Variants in GBP7 observed in about 807,000 individuals in gnomAD.
GBP7 encodes guanylate binding protein 7, also known as guanylate-binding protein 7.
GBP7 carries 43 observed loss-of-function variants against 61.3 expected under a neutral mutation model. The observed-to-expected ratio is 0.70, with a 90% confidence interval of 0.55 to 0.91. The LOEUF is 0.91. Ranked by LOEUF, GBP7 falls within the 40% of genes least tolerant of loss-of-function variation. The pLI, the probability that GBP7 is intolerant of heterozygous loss-of-function variation, is 0.00. For missense variants in GBP7, 717 were observed against 740.5 expected (o/e 0.97, Z 0.37); for synonymous variants, 267 against 271.0 (o/e 0.99, Z 0.14).
At chr1:89,142,336 G>A (rs2100640760) in intron 8 of GBP7, among the ~76,000 whole-genome samples, 1 of 152,218 alleles carries the variant, frequency 6.6e-6, no homozygotes, top group South Asian at 2.1e-4. Context: ...CTTCAACCTT[G>A]AACTCCCGGG....
intron 2 of GBP7, among the ~76,000 whole-genome samples, chr1:89,167,716 A>G (rs1036934584): frequency 6.6e-6 from 1 of 152,220 alleles, no homozygotes; most frequent in Non-Finnish European, 1.5e-5. Context: ...CACACTTAAG[A>G]AAATGTCCAT....
At chr1:89,154,056 G>A (rs1682261179) in intron 3 of GBP7, among the ~76,000 whole-genome samples, 1 of 152,212 alleles carries the variant, frequency 6.6e-6, no homozygotes, top group African/African-American at 2.4e-5. Context: ...GGCAAGACAT[G>A]AAGGTCCCTT....
intron 6 of GBP7, among the ~76,000 whole-genome samples, chr1:89,149,848 G>T (rs1682153018): frequency 1.3e-5 from 2 of 150,604 alleles, no homozygotes; most frequent in African/African-American, 4.9e-5. Flanking sequence ...ATGTAGCAAG[G>T]GTTTCTTGAA....
chr1:89,165,310 G>C (rs1312230601), intron 2 of GBP7, among the ~76,000 whole-genome samples: 1 of 152,024 alleles, frequency 6.6e-6, no homozygotes, highest in Non-Finnish European at 1.5e-5. Flanking sequence ...GACCATCCTG[G>C]CCAACATGGT....
chr1:89,172,016 A>G (rs1290106946), intron 1 of GBP7, 62 bp from the exon 2 acceptor site: 3 of 1,108,558 alleles, frequency 2.7e-6, no homozygotes, highest in South Asian at 2.9e-5. Flanking sequence ...GAAATCTATA[A>G]TAGGGCATAA....
At chr1:89,163,838 T>G (rs1408453573) in intron 3 of GBP7, among the ~76,000 whole-genome samples, 1 of 151,626 alleles carries the variant, frequency 6.6e-6, no homozygotes, top group African/African-American at 2.4e-5. Context: ...TTTTCTTTTC[T>G]TTTTCTTTCT....
Position 89,133,324 on chromosome 1 carries a change from C to T in GBP7, c.1596G>A (p.Lys532=), listed in dbSNP as rs1681721350. The T allele has an allele frequency of 1.9e-6, 3 of 1,614,034 alleles. No individual in the cohort carries two copies. Among genetic ancestry groups the T allele is most frequent in the Non-Finnish European group, 2.5e-6 (3 of 1,179,984 alleles). ...AGTTTTCCCTTTCCCTCTCCATCTT[C>T]TTCTTGAGTTGAGCTATGTTTTCCT... ...SFQENIAQLK[K]KMERERENYM... is the part of the protein sequence containing the mutation. The change falls in exon 10 of 11, where the codon AAG becomes AAA. Residue 532 remains lysine (K), a synonymous_variant. Coordinates refer to ENST00000294671, the MANE Select transcript of GBP7 (RefSeq NM_207398.3).
intron 2 of GBP7, among the ~76,000 whole-genome samples, chr1:89,167,677 A>C (rs1350094617): frequency 6.6e-6 from 1 of 152,218 alleles, no homozygotes; most frequent in Admixed American, 6.5e-5. Context: ...CTGGCCATGG[A>C]TGGGCAAGGT....
chr1:89,147,973 C>CT (rs1263308670), intron 7 of GBP7, among the ~76,000 whole-genome samples, 194 bp from the exon 8 acceptor site: 39 of 152,290 alleles, frequency 2.6e-4, no homozygotes, highest in African/African-American at 9.1e-4. Flanking sequence ...TTCATGAACT[C>CT]TATCTTTCCT....
intron 5 of GBP7, 127 bp downstream of exon 5, chr1:89,152,141 A>G: frequency 1.4e-6 from 1 of 737,402 alleles, no homozygotes. Context: ...CTTATCAATC[A>G]CCAACCACCA....
At chr1:89,162,796 A>G (rs182350982) in intron 3 of GBP7, among the ~76,000 whole-genome samples, 1 of 152,210 alleles carries the variant, frequency 6.6e-6, no homozygotes, top group East Asian at 1.9e-4. Flanking sequence ...TTCCAATACT[A>G]TGTTGAACAG....
At chr1:89,138,454 G>A (rs1681861394) in intron 9 of GBP7, among the ~76,000 whole-genome samples, 2 of 151,866 alleles carry the variant, frequency 1.3e-5, no homozygotes, top group African/African-American at 4.8e-5. Flanking sequence ...CATGGTGCTG[G>A]TCAAAAAACA....
intron 9 of GBP7, among the ~76,000 whole-genome samples, chr1:89,139,278 T>G (rs983090120): frequency 2.0e-5 from 3 of 152,152 alleles, no homozygotes; most frequent in African/African-American, 7.2e-5. Flanking sequence ...TCCTTACACC[T>G]TATACAAAAA....
intron 1 of GBP7, among the ~76,000 whole-genome samples, chr1:89,174,968 A>G (rs976587890): frequency 3.3e-5 from 5 of 152,222 alleles, no homozygotes; most frequent in African/African-American, 1.2e-4. Flanking sequence ...TAATCATGCT[A>G]TCTTTATCCA....
At position 89,133,262 on chromosome 1, in the gene GBP7, A is replaced by G; in HGVS notation, c.1658T>C (p.Met553Thr). ...RELRKMLSHK[M>T]KVLEELLTEG... is the part of the protein sequence containing the mutation. ...CCAAGCTTCATCCAGACTCACCTTC[A>G]TCTTGTGACTCAACATCTTTCTCAG... The change falls in exon 10 of 11, where the codon ATG becomes ACG. Residue 553 changes from methionine (M) to threonine (T), a missense_variant. Around this residue, in one of 3 missense-constraint regions of GBP7, gnomAD observed 312 missense variants for 310.1 expected, o/e 1.01. Transcript: ENST00000294671. 3 of 1,612,804 alleles carry G rather than the reference A, an allele frequency of 1.9e-6. No homozygotes were observed. Among genetic ancestry groups the G allele is most frequent in the Non-Finnish European group, 2.5e-6 (3 of 1,179,004 alleles).
At chr1:89,143,374 G>A (rs1681995917) in intron 8 of GBP7, among the ~76,000 whole-genome samples, 1 of 152,114 alleles carries the variant, frequency 6.6e-6, no homozygotes, top group Non-Finnish European at 1.5e-5. Flanking sequence ...ATCATACTCA[G>A]ATTTGATATA....
intron 3 of GBP7, among the ~76,000 whole-genome samples, chr1:89,155,271 AAT>A (rs1370225801): frequency 2.0e-5 from 3 of 152,216 alleles, no homozygotes; most frequent in African/African-American, 4.8e-5. Context: ...AAAAGCTGAA[AAT>A]TCTAAAAATC....
intron 3 of GBP7, among the ~76,000 whole-genome samples, chr1:89,160,931 C>T (rs1362453326): frequency 6.6e-6 from 1 of 152,042 alleles, no homozygotes; most frequent in African/African-American, 2.4e-5. Context: ...CTTTTCCCTC[C>T]TCCCATTATC....
Position 89,141,473 on chromosome 1 carries a change from C to CT in GBP7, c.1468+72dup. 5 of 1,345,524 alleles carry CT rather than the reference C, an allele frequency of 3.7e-6. No homozygotes were observed. In the South Asian group the frequency reaches 3.8e-5, roughly 10 times the overall value. 83.3% of individuals were successfully genotyped at this position (1,345,524 alleles called of 1,614,324 possible). A position where few individuals can be genotyped will look rare whatever the true frequency, so the allele number is the denominator to read the frequency against. On this transcript the variant is annotated intron_variant, in intron 9 of 10. Coordinates refer to ENST00000294671, the MANE Select transcript of GBP7 (RefSeq NM_207398.3). Reference sequence around the variant, plus strand: ...GAAAGCTCCTGGTATAAGGAAAATCCTTTTTTCTGAACATCAAGAGAGTGT... The same window carrying CT: ...GAAAGCTCCTGGTATAAGGAAAATCCTTTTTTTCTGAACATCAAGAGAGTGT...
Sources: gnomAD v4.1 joint callset for allele counts (sites outside exome capture counted in the v4.1 genomes callset) on GRCh38, gnomAD v4.1.1 for gene constraint, gnomAD v4.1.1 regional missense constraint, MANE v1.5 for transcripts, NCBI Gene and HGNC (gene_info 2026-07-23, HGNC 2026-07-21) for gene names.